Variants in CECR2 observed in about 807,000 individuals in gnomAD.
The protein encoded by CECR2 is CECR2 histone acetyl-lysine reader, also known as chromatin remodeling regulator CECR2.
In CECR2, 30 loss-of-function variants were observed where a neutral mutation model predicts 154.5. The observed-to-expected ratio is 0.19, with a 90% CI of 0.15 to 0.26. CECR2 has a LOEUF of 0.26. Among genes scored for constraint, CECR2 ranks in the 10% least tolerant of loss-of-function variants. The pLI, the probability that CECR2 is intolerant of heterozygous loss-of-function variation, is 1.00. For synonymous variants in CECR2, 725 were observed against 683.7 expected (o/e 1.06, Z -0.94); for missense variants, 1,743 against 1,829.3 (o/e 0.95, Z 0.86).
At chr22:17,528,512 G>A (rs946203177) in intron 9 of CECR2, among the ~76,000 whole-genome samples, 7 of 151,980 alleles carry the variant, frequency 4.6e-5, no homozygotes, top group African/African-American at 1.4e-4. Context: ...CAGCAGAGAA[G>A]TATGGCTTTT....
chr22:17,414,424 T>C (rs111501632), intron 1 of CECR2, among the ~76,000 whole-genome samples: 4 of 152,122 alleles, frequency 2.6e-5, no homozygotes, highest in Middle Eastern at 3.4e-3. Flanking sequence ...TTTAAAGTTA[T>C]TTTTGTAATT....
intron 2 of CECR2, among the ~76,000 whole-genome samples, chr22:17,496,941 G>T (rs2055640342): frequency 6.6e-6 from 1 of 152,144 alleles, no homozygotes; most frequent in Non-Finnish European, 1.5e-5. Flanking sequence ...CATGTAAGTA[G>T]GCTGAAACTT....
intron 8 of CECR2, among the ~76,000 whole-genome samples, chr22:17,523,755 CAAAAAAAAAAA>C (rs66963477): frequency 7.5e-4 from 76 of 101,170 alleles, no homozygotes; most frequent in Middle Eastern, 5.7e-3. Flanking sequence ...GACTCTATCT[CAAAAAAAAAAA>C]AAAAAAAAAG....
intron 2 of CECR2, among the ~76,000 whole-genome samples, chr22:17,484,204 A>C (rs563239884): frequency 6.6e-6 from 1 of 152,152 alleles, no homozygotes; most frequent in African/African-American, 2.4e-5. Flanking sequence ...TTAGGCCCTC[A>C]CTTGCAACAG....
chr22:17,505,637 G>A (rs995003410), intron 7 of CECR2, among the ~76,000 whole-genome samples: 1 of 144,558 alleles, frequency 6.9e-6, no homozygotes, highest in African/African-American at 2.6e-5. Flanking sequence ...AAGTTCAAGC[G>A]ATTCTCCTGC....
chr22:17,467,544 G>A (rs934063574), intron 1 of CECR2, among the ~76,000 whole-genome samples: 5 of 152,098 alleles, frequency 3.3e-5, no homozygotes, highest in African/African-American at 1.2e-4. Context: ...AGCACTTTGG[G>A]AGGCCGAGGC....
At chr22:17,442,617 C>T (rs1393046197) in intron 1 of CECR2, among the ~76,000 whole-genome samples, 2 of 152,086 alleles carry the variant, frequency 1.3e-5, no homozygotes, top group Admixed American at 6.6e-5. Flanking sequence ...GGTGCGGTCT[C>T]AGCTCACTGC....
At chr22:17,520,310 T>C (rs1204806253) in intron 8 of CECR2, among the ~76,000 whole-genome samples, 2 of 152,196 alleles carry the variant, frequency 1.3e-5, no homozygotes. Context: ...TATATAGATA[T>C]ACCTGTTTTC....
At chr22:17,436,558 C>T (rs1216078440) in intron 1 of CECR2, among the ~76,000 whole-genome samples, 1 of 152,212 alleles carries the variant, frequency 6.6e-6, no homozygotes, top group Non-Finnish European at 1.5e-5. Context: ...TGCTTTTGTA[C>T]TACTTCCAAT....
At chr22:17,363,048 C>CTTTTTT (rs60742428) in intron 1 of CECR2, among the ~76,000 whole-genome samples, 2 of 144,740 alleles carry the variant, frequency 1.4e-5, no homozygotes, top group Non-Finnish European at 1.5e-5. Flanking sequence ...TTTCCTTCTT[C>CTTTTTT]TTTTTTTTTT....
At chr22:17,471,841 A>G (rs988305292) in intron 1 of CECR2, among the ~76,000 whole-genome samples, 4 of 152,138 alleles carry the variant, frequency 2.6e-5, no homozygotes, top group Non-Finnish European at 4.4e-5. Flanking sequence ...GGCCATATGG[A>G]CATTTTTTAT....
At chr22:17,505,875 C>T (rs116544225) in intron 7 of CECR2, among the ~76,000 whole-genome samples, 15,729 of 132,478 alleles carry the variant, frequency 0.12, 1,101 homozygotes, top group Non-Finnish European at 0.16. Context: ...CAAGCTCTCT[C>T]ACTTTGTCGC....
Position 17,549,535 on chromosome 22 carries a change from A to G in CECR2, c.4248A>G (p.Gly1416=). ...TTGGCACTAGAAGTGGAATAAGAGGACCTTTCCAGGAAATGTACAGACCAT... is the reference window on the plus strand; with the variant it reads ...TTGGCACTAGAAGTGGAATAAGAGGGCCTTTCCAGGAAATGTACAGACCAT... ...EQIGTRSGIR[G]PFQEMYRPSG... Residue 1416 remains glycine, a synonymous_variant, in exon 17 of 19, where the codon GGA becomes GGG. Coordinates refer to ENST00000262608, the MANE Select transcript of CECR2 (RefSeq NM_001290047.2). 3 of 1,599,980 alleles carry G rather than the reference A, an allele frequency of 1.9e-6. No homozygotes were observed. The highest frequency in any genetic ancestry group is 2.6e-6 in the Non-Finnish European group (3 of 1,173,466).
intron 1 of CECR2, among the ~76,000 whole-genome samples, chr22:17,457,663 C>G (rs182179152): frequency 3.7e-4 from 57 of 152,320 alleles, no homozygotes; most frequent in Non-Finnish European, 6.9e-4. Flanking sequence ...AGCGGTTACA[C>G]TTTTGGGGCA....
chr22:17,467,469 T>G (rs1368693560), intron 1 of CECR2, among the ~76,000 whole-genome samples: 2 of 152,138 alleles, frequency 1.3e-5, no homozygotes, highest in African/African-American at 4.8e-5. Context: ...ATCTGGCTGA[T>G]AATCAGATTC....
rs763845035 is a variant in CECR2, at chr22:17,427,936, CCCA to C, written c.127-49648_127-49646del. ...CAAAATGGTCAGACTAATTTACACT[CCCA>C]CCAATGGTGTAAAAGCTTTCCTATT... On this transcript the variant is annotated intron_variant, in intron 1 of 18. Transcript: ENST00000262608. 5.3e-5 allele frequency among the ~76,000 whole-genome samples: 8 copies of C among 152,322 alleles called. No individual in the cohort carries two copies. The East Asian group carries it at 1.2e-3, about 22-fold the overall frequency.
chr22:17,551,819 T>TA (rs2056712171), intron 17 of CECR2, among the ~76,000 whole-genome samples: 1 of 151,724 alleles, frequency 6.6e-6, no homozygotes, highest in Non-Finnish European at 1.5e-5. Context: ...AAAAATAGAT[T>TA]AAACACTTTT....
chr22:17,431,327 A>G (rs1008536611), intron 1 of CECR2, among the ~76,000 whole-genome samples: 23 of 152,242 alleles, frequency 1.5e-4, no homozygotes, highest in African/African-American at 5.3e-4. Context: ...TTTCAAATGA[A>G]GACAATACTA....
At chr22:17,445,322 C>T (rs979922035) in intron 1 of CECR2, among the ~76,000 whole-genome samples, 8 of 151,918 alleles carry the variant, frequency 5.3e-5, no homozygotes, top group African/African-American at 1.2e-4. Flanking sequence ...GGTGACAGAG[C>T]GAGACCCTGC....
Sources: allele counts gnomAD v4.1 joint callset (sites outside exome capture counted in the v4.1 genomes callset), GRCh38; gene constraint gnomAD v4.1.1; transcripts MANE v1.5; gene names NCBI Gene and HGNC (gene_info 2026-07-23, HGNC 2026-07-21).